PXDNL: variants seen among roughly 807,000 people sequenced by gnomAD.
PXDNL encodes probable oxidoreductase PXDNL.
PXDNL carries 145 observed loss-of-function variants against 150.8 expected under a neutral mutation model. The ratio of observed to expected loss-of-function variants is 0.96; its 90% CI spans 0.84 to 1.10. The LOEUF (loss-of-function observed/expected upper bound fraction) is 1.10. PXDNL is among the 50% of genes least tolerant of loss of function. The probability of loss-of-function intolerance (pLI) is 0.00; values close to 1 mark genes in which losing one functional copy is unlikely to be tolerated. For missense variants in PXDNL, 2,087 were observed against 1,873.9 expected (o/e 1.11, Z -2.10); for synonymous variants, 757 against 725.7 (o/e 1.04, Z -0.69).
intron 4 of PXDNL, among the ~76,000 whole-genome samples, chr8:51,510,770 T>G (rs970149289): frequency 6.6e-6 from 1 of 151,982 alleles, no homozygotes; most frequent in Non-Finnish European, 1.5e-5. Flanking sequence ...CCAAAGCGGG[T>G]GGATCATCTG....
intron 4 of PXDNL, among the ~76,000 whole-genome samples, chr8:51,500,612 T>C (rs925311868): frequency 1.3e-5 from 2 of 152,226 alleles, no homozygotes; most frequent in African/African-American, 4.8e-5. Flanking sequence ...CACAGCTTTT[T>C]CAAACAATCT....
chr8:51,718,669 C>T (rs4275221), intron 1 of PXDNL, among the ~76,000 whole-genome samples: 81,299 of 151,976 alleles, frequency 0.53, 26,391 homozygotes, highest in Non-Finnish European at 0.7. Context: ...CATCTCATTC[C>T]CTGTGCTATA....
intron 14 of PXDNL, among the ~76,000 whole-genome samples, chr8:51,417,942 G>A (rs1808841629): frequency 6.6e-6 from 1 of 152,124 alleles, no homozygotes; most frequent in South Asian, 2.1e-4. Flanking sequence ...CTTTGTTTAA[G>A]GTTATGGTGC....
At chr8:51,635,460 A>G (rs1814586616) in intron 2 of PXDNL, among the ~76,000 whole-genome samples, 1 of 152,100 alleles carries the variant, frequency 6.6e-6, no homozygotes, top group African/African-American at 2.4e-5. Flanking sequence ...GAAAAGATCA[A>G]TACAATTTTA....
intron 1 of PXDNL, among the ~76,000 whole-genome samples, chr8:51,676,676 G>A (rs1193456266): frequency 3.3e-5 from 5 of 152,092 alleles, no homozygotes; most frequent in African/African-American, 9.7e-5. Context: ...TTACCAAACC[G>A]TGTGGAAATA....
In PXDNL at chr8:51,371,959, A is replaced by G. The variant is rs1807129044; in HGVS notation, c.3815T>C (p.Phe1272Ser). Reference protein sequence around the residue: ...DSIQQVQADVFVKAEYPQDYL... With the variant: ...DSIQQVQADVSVKAEYPQDYL... Reference sequence around the variant, plus strand: ...ATCCTGTGGGTATTCTGCCTTTACAAAGACATCAGCCTGCACTTGCTGAAT... The same window carrying G: ...ATCCTGTGGGTATTCTGCCTTTACAGAGACATCAGCCTGCACTTGCTGAAT... The change falls in exon 19 of 23, where the codon TTT (phenylalanine) becomes TCT (serine). Residue 1272 changes from phenylalanine (F) to serine (S), a missense_variant. Transcript: ENST00000356297. 1 of 1,613,806 alleles carries G rather than the reference A, an allele frequency of 6.2e-7. No individual in the cohort carries two copies. The highest frequency in any genetic ancestry group is 1.3e-5 in the African/African-American group (1 of 74,896).
chr8:51,667,685 A>G (rs1339020239), intron 1 of PXDNL, among the ~76,000 whole-genome samples: 1 of 152,224 alleles, frequency 6.6e-6, no homozygotes, highest in Admixed American at 6.5e-5. Flanking sequence ...TGTGCCAAGA[A>G]TGTGACCACA....
intron 21 of PXDNL, among the ~76,000 whole-genome samples, chr8:51,338,828 G>A (rs1805907752): frequency 6.6e-6 from 1 of 152,170 alleles, no homozygotes; most frequent in African/African-American, 2.4e-5. Context: ...AGTATAGCGG[G>A]GTGTGGGAAT....
intron 4 of PXDNL, among the ~76,000 whole-genome samples, chr8:51,517,072 TTA>T: frequency 6.6e-6 from 1 of 152,340 alleles, no homozygotes; most frequent in East Asian, 1.9e-4. Context: ...TAGTAATGAT[TTA>T]TTTCAATTCA....
At chr8:51,733,938 G>C (rs938964851) in intron 1 of PXDNL, among the ~76,000 whole-genome samples, 18 of 150,752 alleles carry the variant, frequency 1.2e-4, no homozygotes, top group Non-Finnish European at 2.7e-4. Context: ...TGAATTTTGA[G>C]TAACATATCT....
intron 3 of PXDNL, among the ~76,000 whole-genome samples, chr8:51,573,223 G>A (rs1812982768): frequency 6.6e-6 from 1 of 151,950 alleles, no homozygotes; most frequent in African/African-American, 2.4e-5. Flanking sequence ...CACTTGTGAG[G>A]CTATATTGAG....
At chr8:51,473,512 C>G (rs926397020) in intron 7 of PXDNL, among the ~76,000 whole-genome samples, 2 of 151,902 alleles carry the variant, frequency 1.3e-5, no homozygotes, top group African/African-American at 2.4e-5. Flanking sequence ...GCAGGAAAGA[C>G]AGCATGTAAA....
intron 3 of PXDNL, among the ~76,000 whole-genome samples, chr8:51,573,453 T>A (rs1173234908): frequency 3.3e-5 from 5 of 151,980 alleles, no homozygotes; most frequent in African/African-American, 1.2e-4. Flanking sequence ...TTTTAACTAA[T>A]ATGAAGCAGT....
At chr8:51,656,483 C>A (rs1815151812) in intron 1 of PXDNL, among the ~76,000 whole-genome samples, 1 of 151,974 alleles carries the variant, frequency 6.6e-6, no homozygotes, top group African/African-American at 2.4e-5. Flanking sequence ...TTATGTAGAC[C>A]CGAATACCCT....
chr8:51,637,860 G>T (rs188632655), intron 2 of PXDNL, among the ~76,000 whole-genome samples: 3 of 152,130 alleles, frequency 2.0e-5, no homozygotes, highest in Admixed American at 6.5e-5. Context: ...ACGCCACAAA[G>T]ATACTCCTCA....
At chr8:51,741,287 A>T (rs549615161) in intron 1 of PXDNL, among the ~76,000 whole-genome samples, 1 of 152,212 alleles carries the variant, frequency 6.6e-6, no homozygotes, top group Middle Eastern at 3.4e-3. Context: ...TATACTATAC[A>T]ATTAGTGTGT....
intron 1 of PXDNL, among the ~76,000 whole-genome samples, chr8:51,721,186 G>A (rs1315255421): frequency 6.6e-6 from 1 of 152,200 alleles, no homozygotes; most frequent in Non-Finnish European, 1.5e-5. Context: ...ATGAAAGTGA[G>A]GCTGGCACTG....
At chr8:51,518,617 C>T (rs1811594482) in intron 4 of PXDNL, among the ~76,000 whole-genome samples, 1 of 152,096 alleles carries the variant, frequency 6.6e-6, no homozygotes, top group Admixed American at 6.5e-5. Flanking sequence ...TAGCATAAAT[C>T]ATAGCAGAAA....
chr8:51,559,081 C>A (rs907445931), intron 3 of PXDNL, among the ~76,000 whole-genome samples: 3 of 151,970 alleles, frequency 2.0e-5, no homozygotes, highest in Non-Finnish European at 4.4e-5. Flanking sequence ...GGTGAGTCAG[C>A]TCCTCATGAG....
Sources: gnomAD v4.1 joint callset for allele counts (sites outside exome capture counted in the v4.1 genomes callset) on GRCh38, gnomAD v4.1.1 for gene constraint, MANE v1.5 for transcripts, NCBI Gene and HGNC (gene_info 2026-07-23, HGNC 2026-07-21) for gene names.